ESCO1: variants seen among roughly 807,000 people sequenced by gnomAD.
The protein encoded by ESCO1 is N-acetyltransferase ESCO1.
Under a neutral mutation model 83.5 loss-of-function variants are expected in ESCO1, and 33 were observed. That is an observed-to-expected ratio of 0.40 (90% CI 0.30 to 0.53). The LOEUF is 0.53. ESCO1 is among the 20% of genes least tolerant of loss of function. The pLI is 0.63. For synonymous variants in ESCO1, 332 were observed against 324.3 expected, an observed-to-expected ratio of 1.02 and a Z score of -0.25; for missense variants, 855 against 968.0, an observed-to-expected ratio of 0.88 and a Z score of 1.55.
intron 9 of ESCO1, among the ~76,000 whole-genome samples, chr18:21,537,136 C>T (rs1057109455): frequency 2.0e-5 from 3 of 152,198 alleles, no homozygotes; most frequent in Admixed American, 2.0e-4. Flanking sequence ...TCAAACCATG[C>T]TTCTTGCAGT....
At position 21,530,508 on chromosome 18, in the gene ESCO1, G is replaced by T; in HGVS notation, c.2376-18C>A. 2.1e-6 allele frequency: 3 copies of T among 1,428,790 alleles called. No homozygotes were observed. The highest frequency in any genetic ancestry group is 2.3e-5 in the Admixed American group (1 of 44,234). 88.5% of individuals were successfully genotyped at this position (1,428,790 alleles called of 1,614,324 possible). A position where few individuals can be genotyped will look rare whatever the true frequency, so the allele number is the denominator to read the frequency against. On this transcript the variant is annotated intron_variant, in intron 11 of 11. Coordinates refer to ENST00000269214, the MANE Select transcript of ESCO1 (RefSeq NM_052911.3). ...AGTTACTCCTATTAAAAAAAAATGGGGGGGGGGAAGGGTTAAGTGTGAAAT... is the reference window on the plus strand; with the variant it reads ...AGTTACTCCTATTAAAAAAAAATGGTGGGGGGGAAGGGTTAAGTGTGAAAT...
chr18:21,550,440 A>C (rs1412337183), intron 8 of ESCO1, among the ~76,000 whole-genome samples: 1 of 152,208 alleles, frequency 6.6e-6, no homozygotes, highest in Non-Finnish European at 1.5e-5. Flanking sequence ...AAGAATTATG[A>C]TACTTTTTTC....
intron 1 of ESCO1, among the ~76,000 whole-genome samples, chr18:21,598,074 A>T (rs932736461): frequency 1.3e-5 from 2 of 152,208 alleles, no homozygotes; most frequent in African/African-American, 2.4e-5. Context: ...CTACAGTAAC[A>T]ATTTTACTGG....
intron 8 of ESCO1, among the ~76,000 whole-genome samples, chr18:21,547,414 G>C (rs981255272): frequency 9.4e-5 from 14 of 149,572 alleles, no homozygotes; most frequent in African/African-American, 3.4e-4. Context: ...CAACTAGAAA[G>C]TGGCTCATTA....
At chr18:21,563,476 T>C (rs1183202018) in intron 7 of ESCO1, among the ~76,000 whole-genome samples, 2 of 152,250 alleles carry the variant, frequency 1.3e-5, no homozygotes, top group East Asian at 3.9e-4. Flanking sequence ...GATTCCTAAG[T>C]AGCTGGGATT....
chr18:21,581,759 C>T (rs973887734), intron 2 of ESCO1, among the ~76,000 whole-genome samples: 2 of 152,002 alleles, frequency 1.3e-5, no homozygotes, highest in African/African-American at 2.4e-5. Flanking sequence ...GCACACACAC[C>T]TGTAATAACA....
chr18:21,590,599 T>C (rs947224108), intron 1 of ESCO1, among the ~76,000 whole-genome samples: 4 of 152,182 alleles, frequency 2.6e-5, no homozygotes, highest in African/African-American at 9.7e-5. Context: ...TGAATTTGTA[T>C]TTCAATTTTA....
chr18:21,540,315 C>T (rs887575470), intron 8 of ESCO1, among the ~76,000 whole-genome samples: 2 of 152,102 alleles, frequency 1.3e-5, no homozygotes, highest in African/African-American at 4.8e-5. Context: ...ACACCAAAAG[C>T]AAGCCCCTTA....
Position 21,600,689 on chromosome 18 carries a change from A to G in ESCO1, c.-891T>C, listed in dbSNP as rs1202412550. The G allele has an allele frequency of 6.6e-6, 1 of 152,186 alleles. No individual in the cohort carries two copies. The highest frequency in any genetic ancestry group is 1.5e-5 in the Non-Finnish European group (1 of 68,060). The allele number at this position is 152,186 out of a possible 1,614,324, so 9.4% of individuals were successfully genotyped here. The stretch of plus-strand genomic sequence containing the variant: ...TCGCCTCACATCCGGGTATCAGGAG[A>G]CACTCAGCTGCTTCTGCTGCGGCCG... On this transcript the variant is annotated 5_prime_UTR_variant, in exon 1 of 12. Transcript: ENST00000269214.
At chr18:21,555,181 A>G (rs2038097679) in intron 8 of ESCO1, among the ~76,000 whole-genome samples, 1 of 152,188 alleles carries the variant, frequency 6.6e-6, no homozygotes, top group African/African-American at 2.4e-5. Context: ...GCTACATACT[A>G]TATTATTCCA....
chr18:21,566,277 A>G, intron 5 of ESCO1, 71 bp from the exon 6 acceptor site: 1 of 1,394,852 alleles, frequency 7.2e-7, no homozygotes, highest in Non-Finnish European at 9.9e-7. Flanking sequence ...GGATAAAATC[A>G]TTATACATAA....
chr18:21,579,811 C>T (rs1262023241), intron 2 of ESCO1, among the ~76,000 whole-genome samples: 1 of 142,792 alleles, frequency 7.0e-6, no homozygotes, highest in African/African-American at 2.6e-5. Flanking sequence ...CACACACACA[C>T]ACACACACAC....
intron 1 of ESCO1, among the ~76,000 whole-genome samples, chr18:21,600,384 G>A (rs554288926): frequency 1.3e-5 from 2 of 152,382 alleles, no homozygotes; most frequent in African/African-American, 4.8e-5. Flanking sequence ...GGCAGGTGGT[G>A]CGCGGACACG....
Position 21,575,754 on chromosome 18 carries a change from T to C in ESCO1, c.-670A>G. The C allele has an allele frequency of 2.5e-6, 1 of 398,288 alleles. No individual in the cohort carries two copies. The highest frequency in any genetic ancestry group is 3.6e-5 in the East Asian group (1 of 27,968). 24.7% of individuals were successfully genotyped at this position (398,288 alleles called of 1,614,324 possible). A position where few individuals can be genotyped will look rare whatever the true frequency, so the allele number is the denominator to read the frequency against. On this transcript the variant is annotated 5_prime_UTR_variant, in exon 3 of 12. Transcript: ENST00000269214. ...TTAGACAAAACCATTCCTTCTAATA[T>C]GCTCTTAACACATCACACAGCACCT...
intron 2 of ESCO1, among the ~76,000 whole-genome samples, chr18:21,579,182 CAG>C (rs1270747962): frequency 6.6e-6 from 1 of 151,376 alleles, no homozygotes; most frequent in East Asian, 2.0e-4. Context: ...TTAGTAGAGA[CAG>C]AGTTTCACCA....
chr18:21,544,371 C>A (rs979200533), intron 8 of ESCO1, among the ~76,000 whole-genome samples: 1 of 151,820 alleles, frequency 6.6e-6, no homozygotes, highest in Admixed American at 6.6e-5. Context: ...CTTTTGGGGG[C>A]CAAGGCAGGC....
At chr18:21,592,372 G>A (rs1195078656) in intron 1 of ESCO1, among the ~76,000 whole-genome samples, 7 of 20,016 alleles carry the variant, frequency 3.5e-4, no homozygotes, top group East Asian at 2.9e-3. Context: ...CTGGCCGGGC[G>A]GGGGACTGAC....
chr18:21,590,896 G>A (rs2038656789), intron 1 of ESCO1, among the ~76,000 whole-genome samples: 1 of 150,486 alleles, frequency 6.6e-6, no homozygotes, highest in African/African-American at 2.4e-5. Context: ...AGTGAGCCAA[G>A]ATCTCATTAC....
At position 21,574,921 on chromosome 18, in the gene ESCO1, T is replaced by C. The variant is rs559104201; in HGVS notation, c.-78A>G. 3 of 1,106,182 alleles carry C rather than the reference T, an allele frequency of 2.7e-6. No homozygotes were observed. The highest frequency in any genetic ancestry group is 3.8e-6 in the Non-Finnish European group (3 of 793,368). 68.5% of individuals were successfully genotyped at this position (1,106,182 alleles called of 1,614,324 possible). ...CTGGTAGGCGTGAATGCTGACTAGC[T>C]AGTATTATTACTGAGGAGCAGGTCT... On this transcript the variant is annotated 5_prime_UTR_variant, in exon 4 of 12. Coordinates refer to ENST00000269214, the MANE Select transcript of ESCO1 (RefSeq NM_052911.3).
Sources: allele counts gnomAD v4.1 joint callset (sites outside exome capture counted in the v4.1 genomes callset), GRCh38; gene constraint gnomAD v4.1.1; transcripts MANE v1.5; gene names NCBI Gene and HGNC (gene_info 2026-07-23, HGNC 2026-07-21).